KIF5C: variants seen among roughly 807,000 people sequenced by gnomAD.
The protein encoded by KIF5C is kinesin heavy chain isoform 5C.
A neutral mutation model predicts 125.2 loss-of-function variants in KIF5C; 18 were observed. The observed-to-expected ratio is 0.14, with a 90% CI of 0.10 to 0.21. KIF5C has a LOEUF of 0.21. Among genes scored for constraint, KIF5C ranks in the 10% least tolerant of loss-of-function variants. The pLI, the probability that KIF5C is intolerant of heterozygous loss-of-function variation, is 1.00. For missense variants in KIF5C, 780 were observed against 1,183.8 expected, an observed-to-expected ratio of 0.66 and a Z score of 5.01; for synonymous variants, 405 against 434.0, an observed-to-expected ratio of 0.93 and a Z score of 0.83.
chr2:148,950,082 T>A lies in KIF5C; in HGVS notation c.819+139T>A, dbSNP rs143758774. The A allele has an allele frequency of 0.016, 22,289 of 1,380,364 alleles. 191 individuals carry two copies. Among genetic ancestry groups the A allele is most frequent in the Middle Eastern group, 0.026 (118 of 4,454 alleles). 85.5% of individuals were successfully genotyped at this position (1,380,364 alleles called of 1,614,324 possible). On this transcript the variant is annotated intron_variant, in intron 9 of 25. Coordinates refer to ENST00000435030, the MANE Select transcript of KIF5C (RefSeq NM_004522.3). ...GGACAGAGGGAATCCTGGCTATGGA[T>A]GCCTGCTTGCTGGGAGTTCCCATCT...
chr2:148,935,919 A>T (rs146066262), intron 3 of KIF5C, among the ~76,000 whole-genome samples: 1 of 152,334 alleles, frequency 6.6e-6, no homozygotes, highest in African/African-American at 2.4e-5. Flanking sequence ...AGAGCAATAC[A>T]TCAAACTATT....
Position 148,979,005 on chromosome 2 carries a change from A to AT in KIF5C, c.1362+16dup. 8 of 1,546,338 alleles carry AT rather than the reference A, an allele frequency of 5.2e-6. No homozygotes were observed. The highest frequency in any genetic ancestry group is 1.7e-6 in the Non-Finnish European group (2 of 1,146,904). ...ATCAGGATGAGGTAAAGAATGCAAT[A>AT]TATTTTTTTTTCCACAAAGTTCTTC... On this transcript the variant is annotated intron_variant, in intron 13 of 25. Coordinates refer to ENST00000435030, the MANE Select transcript of KIF5C (RefSeq NM_004522.3).
intron 1 of KIF5C, among the ~76,000 whole-genome samples, chr2:148,895,650 A>C (rs971279243): frequency 6.6e-6 from 1 of 152,206 alleles, no homozygotes; most frequent in Non-Finnish European, 1.5e-5. Flanking sequence ...CTAGCGTATT[A>C]GTTTGCTTGA....
chr2:149,019,397 G>A (rs1219791191), intron 25 of KIF5C, among the ~76,000 whole-genome samples: 1 of 152,210 alleles, frequency 6.6e-6, no homozygotes, highest in Non-Finnish European at 1.5e-5. Context: ...AGACAGCTGA[G>A]GTGGGACTGC....
At chr2:148,930,146 C>A (rs562403827) in intron 3 of KIF5C, among the ~76,000 whole-genome samples, 2 of 152,300 alleles carry the variant, frequency 1.3e-5, no homozygotes, top group South Asian at 4.1e-4. Context: ...TTCATGCACA[C>A]TGGGGTGAAG....
rs759942303 is a variant in KIF5C, at chr2:149,011,701, G to A, written c.*7+18G>A. The A allele has an allele frequency of 9.9e-6, 16 of 1,613,804 alleles. No individual in the cohort carries two copies. The highest frequency in any genetic ancestry group is 1.4e-5 in the Non-Finnish European group (16 of 1,179,864). ...AATACAAAGTGAGTCCCATGTCAAG[G>A]GTGGTTTCTCTATCTGGAGGCAGAG... On this transcript the variant is annotated intron_variant, in intron 25 of 25. Coordinates refer to ENST00000435030, the MANE Select transcript of KIF5C (RefSeq NM_004522.3).
At chr2:149,002,593 ACT>A (rs763834210) in intron 21 of KIF5C, among the ~76,000 whole-genome samples, 8 of 151,390 alleles carry the variant, frequency 5.3e-5, no homozygotes, top group Non-Finnish European at 7.4e-5. Flanking sequence ...TCACACAATC[ACT>A]CTCGTGCAGT....
intron 10 of KIF5C, among the ~76,000 whole-genome samples, chr2:148,961,456 A>G (rs1408765880): frequency 2.0e-5 from 3 of 152,156 alleles, no homozygotes; most frequent in Non-Finnish European, 2.9e-5. Flanking sequence ...AATTGATTCT[A>G]TTATTTCTGT....
At position 149,017,099 on chromosome 2, in the gene KIF5C, G is replaced by A. The variant is rs181179476; in HGVS notation, c.*7+5416G>A. On this transcript the variant is annotated intron_variant, in intron 25 of 25. Transcript: ENST00000435030. Reference sequence around the variant, plus strand: ...CAGACTAGGTGAGGAAATAGAGCCGGCAGCTGAACCCACTTTGGGGGTTTT... The same window carrying A: ...CAGACTAGGTGAGGAAATAGAGCCGACAGCTGAACCCACTTTGGGGGTTTT... Among the ~76,000 whole-genome samples the A allele has an allele frequency of 1.4e-3, 214 of 152,296 alleles. 2 individuals carry two copies. Among genetic ancestry groups the A allele is most frequent in the Middle Eastern group, 6.8e-3 (2 of 294 alleles).
chr2:148,883,462 C>A (rs1354660477), intron 1 of KIF5C: 3 of 151,916 alleles, frequency 2.0e-5, no homozygotes, highest in Non-Finnish European at 4.4e-5. Flanking sequence ...GATCGTGCCA[C>A]TGCACTCCAG....
chr2:148,896,771 T>C (rs373649450), intron 1 of KIF5C, among the ~76,000 whole-genome samples: 3 of 152,160 alleles, frequency 2.0e-5, no homozygotes, highest in East Asian at 3.9e-4. Context: ...AGAACGTTTT[T>C]AGTAGAGCAG....
chr2:148,948,146 G>C lies in KIF5C; in HGVS notation c.714+1123G>C, dbSNP rs577232492. 1.7e-3 allele frequency among the ~76,000 whole-genome samples: 250 copies of C among 150,830 alleles called. 1 individual carries two copies. Among genetic ancestry groups the C allele is most frequent in the African/African-American group, 5.8e-3 (237 of 41,010 alleles). On this transcript the variant is annotated intron_variant, in intron 8 of 25. Transcript: ENST00000435030. ...GCGGATCATGAGGTCAGGAGATCGA[G>C]ACCATCCTGGCTAACATGGTGAAAC...
intron 7 of KIF5C, among the ~76,000 whole-genome samples, chr2:148,943,472 G>A (rs77032996): frequency 1.3e-5 from 2 of 152,128 alleles, no homozygotes; most frequent in Non-Finnish European, 2.9e-5. Context: ...AGAGAACTAA[G>A]GGTTTATAGC....
chr2:148,913,068 T>C (rs975290682), intron 1 of KIF5C, among the ~76,000 whole-genome samples: 1 of 152,256 alleles, frequency 6.6e-6, no homozygotes, highest in Admixed American at 6.5e-5. Flanking sequence ...AATGTAATTA[T>C]ACTCATTTGT....
At chr2:148,941,695 T>C (rs1246783849) in intron 5 of KIF5C, 37 bp downstream of exon 5, 1 of 1,547,704 alleles carries the variant, frequency 6.5e-7, no homozygotes, top group African/African-American at 1.4e-5. Flanking sequence ...ATTTGTTCTG[T>C]AACGAAAGTC....
intron 10 of KIF5C, among the ~76,000 whole-genome samples, chr2:148,955,343 C>A (rs879353222): frequency 1.3e-5 from 2 of 152,182 alleles, no homozygotes; most frequent in African/African-American, 2.4e-5. Flanking sequence ...TTAGCACTTA[C>A]AATCAGCTGA....
intron 18 of KIF5C, 143 bp downstream of exon 18, chr2:148,997,483 C>G (rs1574824896): frequency 1.4e-6 from 2 of 1,447,836 alleles, no homozygotes; most frequent in South Asian, 1.3e-5. Flanking sequence ...CATTCAGAGT[C>G]GATCTCAGAG....
At chr2:148,885,860 G>A (rs879529732) in intron 1 of KIF5C, 9 of 152,148 alleles carry the variant, frequency 5.9e-5, no homozygotes, top group African/African-American at 7.2e-5. Context: ...GAAGATGTTC[G>A]TTACACAATT....
At chr2:148,994,585 A>T in intron 17 of KIF5C, 47 bp downstream of exon 17, 1 of 1,539,222 alleles carries the variant, frequency 6.5e-7, no homozygotes, top group South Asian at 1.2e-5. Flanking sequence ...GGCCTGAGTC[A>T]GACAGCCTCT....
Sources: gnomAD v4.1 joint callset for allele counts (sites outside exome capture counted in the v4.1 genomes callset) on GRCh38, gnomAD v4.1.1 for gene constraint, MANE v1.5 for transcripts, NCBI Gene and HGNC (gene_info 2026-07-23, HGNC 2026-07-21) for gene names.